HMCN2: variants seen among roughly 807,000 people sequenced by gnomAD.
The protein encoded by HMCN2 is hemicentin-2.
Under a neutral mutation model 377.5 loss-of-function variants are expected in HMCN2, and 325 were observed. That is an observed-to-expected ratio of 0.86 (90% CI 0.79 to 0.94). HMCN2 has a LOEUF of 0.94. HMCN2 is among the 40% of genes least tolerant of loss of function. The pLI is 0.00. For synonymous variants in HMCN2, 2,007 were observed against 2,046.8 expected (o/e 0.98, Z 0.53); for missense variants, 4,543 against 4,725.3 (o/e 0.96, Z 1.13).
At chr9:130,385,939 G>T (rs1842001336) in intron 60 of HMCN2, among the ~76,000 whole-genome samples, 177 bp downstream of exon 60, 1 of 152,148 alleles carries the variant, frequency 6.6e-6, no homozygotes, top group Admixed American at 6.5e-5. Flanking sequence ...CAGAGCTCAG[G>T]GCTCTGGAGT....
rs1427336665 is a variant in HMCN2, at chr9:130,357,920, G to T, written c.5512G>T (p.Val1838Leu). ...GACCCTCCAGTGCATAGGGGATGGG[G>T]TGCCCACCCCAAGCCTCCGTTGGTG... is the stretch of plus-strand genomic sequence containing the variant. ...PVTLQCIGDG[V>L]PTPSLRWWKD... Residue 1838 changes from valine (V) to leucine (L), a missense_variant, in exon 35 of 98, where the codon GTG (valine) becomes TTG (leucine). Transcript: ENST00000683500. 1 of 1,304,202 alleles carries T rather than the reference G, an allele frequency of 7.7e-7. No homozygotes were observed. Among genetic ancestry groups the T allele is most frequent in the Admixed American group, 2.3e-5 (1 of 43,564 alleles). The allele number at this position is 1,304,202 out of a possible 1,614,324, so 80.8% of individuals were successfully genotyped here. A position where few individuals can be genotyped will look rare whatever the true frequency, so the allele number is the denominator to read the frequency against.
chr9:130,360,652 T>C lies in HMCN2; in HGVS notation c.5950+48T>C, dbSNP rs939529958. On this transcript the variant is annotated intron_variant, in intron 38 of 97. Coordinates refer to ENST00000683500, the MANE Select transcript of HMCN2 (RefSeq NM_001291815.2). The surrounding 1 kb of genome is among the most constrained non-coding windows in gnomAD (Gnocchi z 4.7). ...GGTCCCTTGTCCAAAAAGTTGTCTT[T>C]TCATTCATTTGTCTATTAGTCTGTC... The C allele has an allele frequency of 1.0e-5, 12 of 1,192,356 alleles. No homozygotes were observed. Among genetic ancestry groups the C allele is most frequent in the Non-Finnish European group, 1.3e-5 (12 of 910,126 alleles). 73.9% of individuals were successfully genotyped at this position (1,192,356 alleles called of 1,614,324 possible). A position where few individuals can be genotyped will look rare whatever the true frequency, so the allele number is the denominator to read the frequency against.
chr9:130,418,050 G>A (rs1843787874), intron 85 of HMCN2, among the ~76,000 whole-genome samples: 1 of 152,212 alleles, frequency 6.6e-6, no homozygotes, highest in East Asian at 1.9e-4. Flanking sequence ...GCCACCCACA[G>A]TAGGTGACAG....
chr9:130,306,021 T>A (rs1836831750), intron 11 of HMCN2, 108 bp from the exon 12 acceptor site: 2 of 419,654 alleles, frequency 4.8e-6, no homozygotes, highest in Middle Eastern at 1.1e-3. Context: ...GCTTTCTCTG[T>A]CTTGCCCATC....
At chr9:130,407,548 C>T (rs369359669) in intron 82 of HMCN2, 23 bp from the exon 83 acceptor site, 17 of 1,288,530 alleles carry the variant, frequency 1.3e-5, no homozygotes, top group Admixed American at 2.3e-5. Flanking sequence ...TCCCTGCACC[C>T]GACTTCTCTT....
At position 130,309,928 on chromosome 9, in the gene HMCN2, C is replaced by T; in HGVS notation, c.2217C>T (p.Ile739=). Residue 739 remains isoleucine, a synonymous_variant, in exon 15 of 98, where the codon ATC becomes ATT. Coordinates refer to ENST00000683500, the MANE Select transcript of HMCN2 (RefSeq NM_001291815.2). ...TTGGTCCAGGGGGTCTTGAAATGATCCTGGCCCCTGAGGGCTCCAGCTCTG... is the reference window on the plus strand; with the variant it reads ...TTGGTCCAGGGGGTCTTGAAATGATTCTGGCCCCTGAGGGCTCCAGCTCTG... ...VIWYRGGLEM[I]LAPEGSSSGK... 2 of 514,230 alleles carry T rather than the reference C, an allele frequency of 3.9e-6. No individual in the cohort carries two copies. The highest frequency in any genetic ancestry group is 2.9e-5 in the South Asian group (2 of 68,334). The allele number at this position is 514,230 out of a possible 1,614,324, so 31.9% of individuals were successfully genotyped here.
At position 130,360,477 on chromosome 9, in the gene HMCN2, G is replaced by C. The variant is rs765158937; in HGVS notation, c.5823G>C (p.Val1941=). 30 of 1,303,870 alleles carry C rather than the reference G, an allele frequency of 2.3e-5. No homozygotes were observed. Among genetic ancestry groups the C allele is most frequent in the Non-Finnish European group, 3.0e-5 (30 of 988,868 alleles). The allele number at this position is 1,303,870 out of a possible 1,614,324, so 80.8% of individuals were successfully genotyped here. A position where few individuals can be genotyped will look rare whatever the true frequency, so the allele number is the denominator to read the frequency against. ...AACCTGTCTCTTCATGGATGGGAGT[G>C]ACAGTATCAGTGGATGGGAGAGTTC... is the stretch of plus-strand genomic sequence containing the variant. The part of the protein sequence containing the change: ...GHQPVSSWMG[V]TVSVDGRVLR... Residue 1941 remains valine, a synonymous_variant, in exon 38 of 98, where the codon GTG becomes GTC. Transcript: ENST00000683500. This position sits in a 1 kb window ranked among gnomAD's most constrained non-coding sequence, Gnocchi z 4.7.
Position 130,397,552 on chromosome 9 carries a change from C to T in HMCN2, c.11223C>T (p.Ser3741=). Residue 3741 remains serine, a synonymous_variant, in exon 74 of 98, where the codon TCC becomes TCT. Coordinates refer to ENST00000683500, the MANE Select transcript of HMCN2 (RefSeq NM_001291815.2). The stretch of plus-strand genomic sequence containing the variant: ...GGTTTGAAATTCTGCCTGAGGGTTC[C>T]CTGAGAATCCAGCCAGTCCTTGCCC... ...SPRFEILPEG[S]LRIQPVLAQD... 2 of 1,289,820 alleles carry T rather than the reference C, an allele frequency of 1.6e-6. No individual in the cohort carries two copies. The highest frequency in any genetic ancestry group is 2.0e-6 in the Non-Finnish European group (2 of 988,876). 79.9% of individuals were successfully genotyped at this position (1,289,820 alleles called of 1,614,324 possible).
At chr9:130,302,049 C>CTT (rs60456645) in intron 8 of HMCN2, among the ~76,000 whole-genome samples, 3 of 147,446 alleles carry the variant, frequency 2.0e-5, no homozygotes, top group Non-Finnish European at 3.0e-5. Context: ...TCTAGCTGTG[C>CTT]TTTTTTTTTT....
At position 130,422,368 on chromosome 9, in the gene HMCN2, G is replaced by T. The variant is rs555633357; in HGVS notation, c.13232-209G>T. ...AAGCCAGCTCCGCCCTGAGCCCAGG[G>T]TTCCTCCTAACAGCCTCCCTTCCCT... On this transcript the variant is annotated intron_variant, in intron 86 of 97. Transcript: ENST00000683500. This position sits in a 1 kb window ranked among gnomAD's most constrained non-coding sequence, Gnocchi z 4.2. Among the ~76,000 whole-genome samples, 1 of 152,340 alleles carries T rather than the reference G, an allele frequency of 6.6e-6. No individual in the cohort carries two copies. Among genetic ancestry groups the T allele is most frequent in the African/African-American group, 2.4e-5 (1 of 41,576 alleles).
rs1275459397 is a variant in HMCN2, at chr9:130,354,961, G to A, written c.5063G>A (p.Gly1688Glu). The A allele has an allele frequency of 2.3e-6, 3 of 1,302,162 alleles. No individual in the cohort carries two copies. The highest frequency in any genetic ancestry group is 2.3e-5 in the Admixed American group (1 of 43,554). The allele number at this position is 1,302,162 out of a possible 1,614,324, so 80.7% of individuals were successfully genotyped here. ...AGTGTGCTGAGGCTGGAGAGCCCGG[G>A]GGAGGCATCCAGTGGCCTGTACAGC... ...DGSVLRLESP[G>E]EASSGLYSCV... The change falls in exon 32 of 98, where the codon GGG becomes GAG. Residue 1688 changes from glycine (G) to glutamate (E), a missense_variant. This residue lies in a region of HMCN2 where 1,032 missense variants were observed against 1,285.1 expected (regional missense o/e 0.80). Coordinates refer to ENST00000683500, the MANE Select transcript of HMCN2 (RefSeq NM_001291815.2).
intron 32 of HMCN2, among the ~76,000 whole-genome samples, 181 bp from the exon 33 acceptor site, chr9:130,355,565 C>T (rs995306706): frequency 2.6e-5 from 4 of 152,206 alleles, no homozygotes; most frequent in African/African-American, 7.2e-5. Context: ...TTGGGGAGCC[C>T]GGGGTGTCCC....
At position 130,268,446 on chromosome 9, in the gene HMCN2, A is replaced by C. The variant is rs1834237479; in HGVS notation, c.259+2309A>C. 2.4e-5 allele frequency among the ~76,000 whole-genome samples: 3 copies of C among 126,722 alleles called. 1 individual carries two copies. The South Asian group carries it at 7.5e-4, about 32-fold the overall frequency. The allele number at this position is 126,722 out of a possible 152,430, so 83.1% of individuals were successfully genotyped here. A position where few individuals can be genotyped will look rare whatever the true frequency, so the allele number is the denominator to read the frequency against. ...CTGTGTAGAGCCCAGGGAGGCTCAC[A>C]GTGTAAAGGGGCATGGTTCATTCCA... On this transcript the variant is annotated intron_variant, in intron 1 of 97. Coordinates refer to ENST00000683500, the MANE Select transcript of HMCN2 (RefSeq NM_001291815.2).
At position 130,304,111 on chromosome 9, in the gene HMCN2, A is replaced by G. The variant is rs529911604; in HGVS notation, c.1543+503A>G. ...CTACATAGACAGCCAGAAACTACACATGCTCTTTGTAGGAAAGCTGGAAAA... is the reference window on the plus strand; with the variant it reads ...CTACATAGACAGCCAGAAACTACACGTGCTCTTTGTAGGAAAGCTGGAAAA... On this transcript the variant is annotated intron_variant, in intron 10 of 97. Coordinates refer to ENST00000683500, the MANE Select transcript of HMCN2 (RefSeq NM_001291815.2). This position sits in a 1 kb window ranked among gnomAD's most constrained non-coding sequence, Gnocchi z 4.3. Among the ~76,000 whole-genome samples the G allele has an allele frequency of 7.9e-5, 12 of 152,332 alleles. No homozygotes were observed. The East Asian group carries it at 1.5e-3, about 20-fold the overall frequency.
intron 85 of HMCN2, among the ~76,000 whole-genome samples, chr9:130,413,840 G>A (rs776709659): frequency 5.8e-4 from 88 of 152,192 alleles, no homozygotes; most frequent in Non-Finnish European, 1.0e-3. Flanking sequence ...TAGTAAGAAA[G>A]AAAACTTGTA....
Position 130,369,638 on chromosome 9 carries a change from A to C in HMCN2, c.6856A>C (p.Thr2286Pro), listed in dbSNP as rs866584819. 1.0e-6 allele frequency: 1 copy of C among 985,492 alleles called. No individual in the cohort carries two copies. Among genetic ancestry groups the C allele is most frequent in the Non-Finnish European group, 1.2e-6 (1 of 829,854 alleles). 61.0% of individuals were successfully genotyped at this position (985,492 alleles called of 1,614,324 possible). A position where few individuals can be genotyped will look rare whatever the true frequency, so the allele number is the denominator to read the frequency against. ...QVSVVQDGVA[T>P]LECNATGKPP... ...CTCTGTGGTCCAGGATGGAGTGGCC[A>C]CTCTGGAGTGCAACGCCACAGGGAA... The change falls in exon 45 of 98, where the codon ACT becomes CCT. Residue 2286 changes from threonine (T) to proline (P), a missense_variant. Coordinates refer to ENST00000683500, the MANE Select transcript of HMCN2 (RefSeq NM_001291815.2). The surrounding 1 kb of genome is among the most constrained non-coding windows in gnomAD (Gnocchi z 4.5).
intron 34 of HMCN2, among the ~76,000 whole-genome samples, 155 bp from the exon 35 acceptor site, chr9:130,357,679 C>T (rs530261091): frequency 1.3e-5 from 2 of 152,118 alleles, no homozygotes; most frequent in African/African-American, 2.4e-5. Context: ...CTAAGCCATG[C>T]GTCTAGGGGA....
chr9:130,392,699 G>A (rs1238357861), intron 66 of HMCN2, among the ~76,000 whole-genome samples: 1 of 152,070 alleles, frequency 6.6e-6, no homozygotes, highest in Non-Finnish European at 1.5e-5. Context: ...CGGGAACCCA[G>A]GTAAAGAGTT....
intron 40 of HMCN2, among the ~76,000 whole-genome samples, chr9:130,363,864 AGAAG>A (rs1157607885): frequency 1.3e-5 from 2 of 149,252 alleles, no homozygotes; most frequent in Non-Finnish European, 3.0e-5. Flanking sequence ...AGAGAGAGAG[AGAAG>A]GAAGGAAGGA....
Sources: gnomAD v4.1 joint callset for allele counts (sites outside exome capture counted in the v4.1 genomes callset) on GRCh38, gnomAD v4.1.1 for gene constraint, gnomAD v4.1.1 regional missense constraint, Gnocchi (gnomAD v3.1) non-coding constraint, MANE v1.5 for transcripts, NCBI Gene and HGNC (gene_info 2026-07-23, HGNC 2026-07-21) for gene names.